The following LRRC4C variants were observed in gnomAD, a reference collection of about 807,000 sequenced individuals.
The protein encoded by LRRC4C is leucine rich repeat containing 4C, also known as leucine-rich repeat-containing protein 4C.
Under a neutral mutation model 33.6 loss-of-function variants are expected in LRRC4C, and 5 were observed. The observed-to-expected ratio is 0.15, with a 90% CI of 0.08 to 0.31. The LOEUF is 0.31. Among genes scored for constraint, LRRC4C ranks in the 10% least tolerant of loss-of-function variants. The pLI is 1.00. For synonymous variants in LRRC4C, 329 were observed against 302.0 expected (o/e 1.09, Z -0.93); for missense variants, 560 against 796.7 (o/e 0.70, Z 3.58).
At chr11:40,927,114 G>A (rs1021747907) in intron 2 of LRRC4C, among the ~76,000 whole-genome samples, 1 of 152,088 alleles carries the variant, frequency 6.6e-6, no homozygotes, top group Non-Finnish European at 1.5e-5. Flanking sequence ...GGTGGCTCAC[G>A]CCTGTAATCC....
At chr11:41,037,929 G>T (rs747381104) in intron 1 of LRRC4C, among the ~76,000 whole-genome samples, 4 of 152,086 alleles carry the variant, frequency 2.6e-5, no homozygotes, top group Non-Finnish European at 4.4e-5. Context: ...TTTTTGAGTG[G>T]TTTTACATTT....
rs73468193 is a variant in LRRC4C, at chr11:40,396,882, G to C, written c.-269-77161C>G. On this transcript the variant is annotated intron_variant, in intron 3 of 6. Transcript: ENST00000528697. ...AAAGAAATATAAGATTCCCAGGAGG[G>C]CATTCTGTTTGAGTTATAATGCATC... Among the ~76,000 whole-genome samples, 30 of 152,082 alleles carry C rather than the reference G, an allele frequency of 2.0e-4. 1 individual carries two copies. Among genetic ancestry groups the C allele is most frequent in the African/African-American group, 7.2e-4 (30 of 41,528 alleles).
rs370022229 is a variant in LRRC4C, at chr11:40,549,206, G to A, written c.-270+98936C>T. On this transcript the variant is annotated intron_variant, in intron 3 of 6. Transcript: ENST00000528697. ...TTCCTTCCTTTATAACCTATCATTA[G>A]ACAAGATATGTAGCTTATGATACAA... Among the ~76,000 whole-genome samples, 89 of 152,184 alleles carry A rather than the reference G, an allele frequency of 5.8e-4. 1 individual carries two copies. The highest frequency in any genetic ancestry group is 2.1e-3 in the African/African-American group (86 of 41,536).
chr11:40,227,445 T>G (rs1382413513), intron 5 of LRRC4C, among the ~76,000 whole-genome samples: 1 of 152,162 alleles, frequency 6.6e-6, no homozygotes, highest in African/African-American at 2.4e-5. Context: ...GGTCAGTAAG[T>G]TTACCACTGA....
intron 2 of LRRC4C, among the ~76,000 whole-genome samples, chr11:40,686,542 C>G (rs893116660): frequency 3.3e-5 from 5 of 151,904 alleles, no homozygotes; most frequent in African/African-American, 1.2e-4. Flanking sequence ...AGGTGATTCT[C>G]TAATAGGTAG....
At chr11:40,844,203 C>T (rs1953049869) in intron 2 of LRRC4C, among the ~76,000 whole-genome samples, 2 of 150,836 alleles carry the variant, frequency 1.3e-5, no homozygotes, top group Admixed American at 6.6e-5. Context: ...CTAACCTGCA[C>T]GTTGTGCACA....
chr11:41,118,862 TAG>T (rs1297967658), intron 1 of LRRC4C, among the ~76,000 whole-genome samples: 1 of 152,086 alleles, frequency 6.6e-6, no homozygotes, highest in Non-Finnish European at 1.5e-5. Context: ...CATTACATCA[TAG>T]AGTGTCCTAT....
At chr11:41,260,398 G>A (rs939055518) in intron 1 of LRRC4C, among the ~76,000 whole-genome samples, 3 of 151,946 alleles carry the variant, frequency 2.0e-5, no homozygotes, top group Admixed American at 2.0e-4. Context: ...TAGAAATAAA[G>A]ATAAAGAAAT....
intron 2 of LRRC4C, among the ~76,000 whole-genome samples, chr11:40,818,824 T>C (rs1485024772): frequency 6.6e-6 from 1 of 152,092 alleles, no homozygotes; most frequent in African/African-American, 2.4e-5. Context: ...TGTATTTTGT[T>C]AACCAATTCA....
intron 4 of LRRC4C, among the ~76,000 whole-genome samples, chr11:40,263,774 T>C (rs759090238): frequency 3.3e-5 from 5 of 152,216 alleles, no homozygotes; most frequent in Non-Finnish European, 5.9e-5. Context: ...TGAGCATAAC[T>C]GATGGATACT....
chr11:41,458,995 T>C (rs1350131979), intron 1 of LRRC4C, among the ~76,000 whole-genome samples: 1 of 152,080 alleles, frequency 6.6e-6, no homozygotes, highest in Non-Finnish European at 1.5e-5. Flanking sequence ...ACTATTAAGT[T>C]ATCGTGAAAG....
At chr11:40,157,065 G>A (rs1858758772) in intron 5 of LRRC4C, among the ~76,000 whole-genome samples, 1 of 152,004 alleles carries the variant, frequency 6.6e-6, no homozygotes, top group South Asian at 2.1e-4. Flanking sequence ...ATGAAAATAG[G>A]CACATAGACG....
At chr11:41,086,275 A>G (rs566159618) in intron 1 of LRRC4C, among the ~76,000 whole-genome samples, 2 of 152,286 alleles carry the variant, frequency 1.3e-5, no homozygotes, top group South Asian at 4.1e-4. Context: ...CTGAAATTAT[A>G]TCACTACACT....
At chr11:40,621,881 T>G (rs1962489782) in intron 3 of LRRC4C, among the ~76,000 whole-genome samples, 1 of 151,896 alleles carries the variant, frequency 6.6e-6, no homozygotes, top group Non-Finnish European at 1.5e-5. Context: ...TCCATTTACT[T>G]CTATTATTCT....
At chr11:41,334,119 A>C (rs2137400164) in intron 1 of LRRC4C, among the ~76,000 whole-genome samples, 1 of 152,320 alleles carries the variant, frequency 6.6e-6, no homozygotes, top group East Asian at 1.9e-4. Flanking sequence ...GTGGAATAGG[A>C]ACCAGAGAGA....
chr11:41,251,841 T>A (rs1245888635), intron 1 of LRRC4C, among the ~76,000 whole-genome samples: 1 of 152,202 alleles, frequency 6.6e-6, no homozygotes, highest in African/African-American at 2.4e-5. Flanking sequence ...TTGAATGTTT[T>A]ATGCTGTGTA....
intron 3 of LRRC4C, among the ~76,000 whole-genome samples, chr11:40,430,364 C>A (rs4756589): frequency 0.41 from 62,471 of 151,612 alleles, 13,212 homozygotes; most frequent in East Asian, 0.53. Flanking sequence ...AAGGATTATT[C>A]ATGTCCTAGA....
chr11:41,295,312 G>C (rs1950106466), intron 1 of LRRC4C, among the ~76,000 whole-genome samples: 1 of 152,100 alleles, frequency 6.6e-6, no homozygotes, highest in Non-Finnish European at 1.5e-5. Flanking sequence ...ATCTAATGTA[G>C]TTTACCAACT....
intron 1 of LRRC4C, among the ~76,000 whole-genome samples, chr11:41,198,778 G>A (rs1047825172): frequency 1.3e-5 from 2 of 151,966 alleles, no homozygotes; most frequent in African/African-American, 2.4e-5. Context: ...AAGTCCCAGC[G>A]AAATAACCAG....
Sources: gnomAD v4.1 joint callset for allele counts (sites outside exome capture counted in the v4.1 genomes callset) on GRCh38, gnomAD v4.1.1 for gene constraint, MANE v1.5 for transcripts, NCBI Gene and HGNC (gene_info 2026-07-23, HGNC 2026-07-21) for gene names.